CHRM3: variants seen among roughly 807,000 people sequenced by gnomAD.
CHRM3 encodes the protein cholinergic receptor muscarinic 3.
CHRM3 carries 11 observed loss-of-function variants against 41.8 expected under a neutral mutation model. The observed-to-expected ratio is 0.26, with a 90% CI of 0.17 to 0.44. The LOEUF is 0.44. Ranked by LOEUF, CHRM3 falls within the 20% of genes least tolerant of loss-of-function variation. CHRM3 has a pLI of 1.00. For missense variants in CHRM3, 571 were observed against 745.4 expected, an observed-to-expected ratio of 0.77 and a Z score of 2.72; for synonymous variants, 297 against 301.4, an observed-to-expected ratio of 0.99 and a Z score of 0.15.
At chr1:239,519,391 C>A (rs916069419) in intron 2 of CHRM3, among the ~76,000 whole-genome samples, 2 of 152,122 alleles carry the variant, frequency 1.3e-5, no homozygotes, top group Admixed American at 1.3e-4. Context: ...CCAAATATAG[C>A]CTCTTCTGTA....
intron 4 of CHRM3, among the ~76,000 whole-genome samples, chr1:239,672,284 G>A (rs561598767): frequency 6.6e-5 from 10 of 152,230 alleles, no homozygotes; most frequent in African/African-American, 2.4e-4. Flanking sequence ...AGGGCTCTGT[G>A]AGCAGACCTC....
chr1:239,399,599 T>G (rs1200067656), intron 1 of CHRM3, among the ~76,000 whole-genome samples: 1 of 152,196 alleles, frequency 6.6e-6, no homozygotes, highest in African/African-American at 2.4e-5. Flanking sequence ...AGATGTGGCA[T>G]TGGTCTTTCT....
At chr1:239,650,915 G>T (rs1309318223) in intron 4 of CHRM3, among the ~76,000 whole-genome samples, 1 of 152,140 alleles carries the variant, frequency 6.6e-6, no homozygotes, top group Non-Finnish European at 1.5e-5. Flanking sequence ...ATGTAAATAT[G>T]TGTAAATTTA....
rs534298420 is a variant in CHRM3 at position 239,690,779 on chromosome 1, T to C, written c.-147+12491T>C. 5.9e-5 allele frequency among the ~76,000 whole-genome samples: 9 copies of C among 152,106 alleles called. No homozygotes were observed. In the East Asian group the frequency reaches 1.7e-3, roughly 29 times the overall value. ...TTGTTTTTGTTAGTATTCCAAGAAA[T>C]TCAGGATGTTTGTGTGATATGTAGT... On this transcript the variant is annotated intron_variant, in intron 5 of 6. Coordinates refer to ENST00000676153, the MANE Select transcript of CHRM3 (RefSeq NM_001375978.1).
At chr1:239,463,599 C>A (rs1300536941) in intron 1 of CHRM3, among the ~76,000 whole-genome samples, 1 of 152,050 alleles carries the variant, frequency 6.6e-6, no homozygotes, top group Non-Finnish European at 1.5e-5. Context: ...TGTGAAAATA[C>A]AGGACTATGT....
rs1308593903 is a variant in CHRM3 at position 239,652,952 on chromosome 1, T to A, written c.-250+20666T>A. ...TATAAGAGACTGATAACATGAAGTG[T>A]TGATATATATCATTTATAATAATAT... On this transcript the variant is annotated intron_variant, in intron 4 of 6. Transcript: ENST00000676153. Among the ~76,000 whole-genome samples, 7 of 152,238 alleles carry A rather than the reference T, an allele frequency of 4.6e-5. No individual in the cohort carries two copies. The South Asian group carries it at 1.0e-3, about 23-fold the overall frequency.
chr1:239,639,084 C>T (rs1348022699), intron 4 of CHRM3, among the ~76,000 whole-genome samples: 1 of 151,714 alleles, frequency 6.6e-6, no homozygotes, highest in Non-Finnish European at 1.5e-5. Flanking sequence ...AGATATGCGG[C>T]ATTATTTCTG....
At chr1:239,661,373 TG>T (rs2149011510) in intron 4 of CHRM3, among the ~76,000 whole-genome samples, 1 of 152,350 alleles carries the variant, frequency 6.6e-6, no homozygotes, top group Non-Finnish European at 1.5e-5. Flanking sequence ...GGCTGATTAA[TG>T]AGTTTTAGGT....
chr1:239,395,107 A>T (rs1659366235), intron 1 of CHRM3, among the ~76,000 whole-genome samples: 1 of 152,034 alleles, frequency 6.6e-6, no homozygotes, highest in South Asian at 2.1e-4. Flanking sequence ...ATTTTCAGAG[A>T]ATTATACCTA....
At chr1:239,754,467 G>A (rs1444286196) in intron 5 of CHRM3, among the ~76,000 whole-genome samples, 1 of 152,202 alleles carries the variant, frequency 6.6e-6, no homozygotes, top group East Asian at 1.9e-4. Flanking sequence ...AAAGTTATCA[G>A]AATATTTTTG....
intron 6 of CHRM3, among the ~76,000 whole-genome samples, chr1:239,876,938 T>G (rs1677155323): frequency 6.6e-6 from 1 of 152,198 alleles, no homozygotes; most frequent in Non-Finnish European, 1.5e-5. Flanking sequence ...GGAAAAGACA[T>G]AAATGTCATT....
At chr1:239,884,511 T>C (rs888831911) in intron 6 of CHRM3, among the ~76,000 whole-genome samples, 1 of 152,200 alleles carries the variant, frequency 6.6e-6, no homozygotes, top group Non-Finnish European at 1.5e-5. Flanking sequence ...CAGATTGTGG[T>C]CATTCATTAT....
chr1:239,576,501 G>A (rs906540763), intron 3 of CHRM3, among the ~76,000 whole-genome samples: 18 of 151,858 alleles, frequency 1.2e-4, no homozygotes, highest in Non-Finnish European at 2.6e-4. Context: ...TCAGTGCTTT[G>A]GGAGGCCAAG....
chr1:239,632,868 T>G (rs941431479), intron 4 of CHRM3, among the ~76,000 whole-genome samples: 1 of 152,216 alleles, frequency 6.6e-6, no homozygotes, highest in African/African-American at 2.4e-5. Flanking sequence ...TGAGACTGGG[T>G]AATTTATAAA....
chr1:239,438,742 G>A (rs4617391), intron 1 of CHRM3, among the ~76,000 whole-genome samples: 38,244 of 151,998 alleles, frequency 0.25, 4,924 homozygotes, highest in Middle Eastern at 0.34. Flanking sequence ...AAAGAACATC[G>A]AGGCTTTCTG....
At position 239,435,072 on chromosome 1, in the gene CHRM3, TA is replaced by T. The variant is rs199516626; in HGVS notation, c.-521+47848del. Among the ~76,000 whole-genome samples the T allele has an allele frequency of 8.5e-3, 1,300 of 152,326 alleles. 14 individuals are homozygous for T. Among genetic ancestry groups the T allele is most frequent in the African/African-American group, 0.03 (1,241 of 41,578 alleles). Reference sequence around the variant, plus strand: ...ATAAATGTTTAGTAAAATGTAGCAGTAAAGAAAATCATATGAAGTTATGTAA... The same window carrying T: ...ATAAATGTTTAGTAAAATGTAGCAGTAAGAAAATCATATGAAGTTATGTAA... On this transcript the variant is annotated intron_variant, in intron 1 of 6. Transcript: ENST00000676153.
rs116181128 is a variant in CHRM3, at chr1:239,736,270, T to C, written c.-147+57982T>C. On this transcript the variant is annotated intron_variant, in intron 5 of 6. Transcript: ENST00000676153. ...CCCCAAAGCCTATGAGCCAGACGAA[T>C]AGAACCAGGATTTGAATTGTCCCTG... Among the ~76,000 whole-genome samples, 502 of 152,192 alleles carry C rather than the reference T, an allele frequency of 3.3e-3. 1 individual carries two copies. Among genetic ancestry groups the C allele is most frequent in the Non-Finnish European group, 5.9e-3 (402 of 68,000 alleles).
chr1:239,733,709 G>C (rs989510313), intron 5 of CHRM3, among the ~76,000 whole-genome samples: 1 of 151,966 alleles, frequency 6.6e-6, no homozygotes, highest in Admixed American at 6.6e-5. Context: ...ATTTAATTTT[G>C]AATTAAAGTA....
intron 5 of CHRM3, among the ~76,000 whole-genome samples, chr1:239,815,694 C>A (rs911698361): frequency 1.3e-5 from 2 of 152,184 alleles, no homozygotes; most frequent in African/African-American, 4.8e-5. Flanking sequence ...AACTCAAATG[C>A]AAAACAAAAT....
Sources: gnomAD v4.1 joint callset for allele counts (sites outside exome capture counted in the v4.1 genomes callset) on GRCh38, gnomAD v4.1.1 for gene constraint, MANE v1.5 for transcripts, NCBI Gene and HGNC (gene_info 2026-07-23, HGNC 2026-07-21) for gene names.